The following PDZD2 variants were observed in gnomAD, a reference collection of about 807,000 sequenced individuals.
PDZD2 encodes the protein PDZ domain-containing protein 2.
Under a neutral mutation model 220.7 loss-of-function variants are expected in PDZD2, and 90 were observed. The ratio of observed to expected loss-of-function variants is 0.41; its 90% CI spans 0.34 to 0.49. The LOEUF is 0.49. Ranked by LOEUF, PDZD2 falls within the 20% of genes least tolerant of loss-of-function variation. The pLI, the probability that PDZD2 is intolerant of heterozygous loss-of-function variation, is 0.28. For missense variants in PDZD2, 3,174 were observed against 3,608.5 expected (o/e 0.88, Z 3.08); for synonymous variants, 1,375 against 1,450.5 (o/e 0.95, Z 1.18).
intron 1 of PDZD2, among the ~76,000 whole-genome samples, chr5:31,687,072 G>A (rs2150126034): frequency 6.8e-6 from 1 of 147,852 alleles, no homozygotes; most frequent in South Asian, 2.2e-4. Flanking sequence ...ATAAAAAGAG[G>A]CAAAATGATA....
Position 31,752,070 on chromosome 5 carries a change from TTTG to T in PDZD2, c.-360-46816_-360-46814del, listed in dbSNP as rs1751016369. Among the ~76,000 whole-genome samples the T allele has an allele frequency of 1.3e-4, 13 of 100,104 alleles. 1 individual carries two copies. The highest frequency in any genetic ancestry group is 3.8e-4 in the East Asian group (1 of 2,600). 65.7% of individuals were successfully genotyped at this position (100,104 alleles called of 152,430 possible). On this transcript the variant is annotated intron_variant, in intron 1 of 24. Transcript: ENST00000438447. ...TGTTTGTTTGTTTTATTGTTTTGGG[TTTG>T]TTTTTTTTTTTTTTTTTCTGAGACA...
intron 2 of PDZD2, among the ~76,000 whole-genome samples, chr5:31,821,435 C>G (rs11956512): frequency 0.58 from 87,777 of 151,068 alleles, 25,784 homozygotes; most frequent in Non-Finnish European, 0.61. Context: ...GGCTGAAGTG[C>G]AATGGCGCGA....
intron 6 of PDZD2, among the ~76,000 whole-genome samples, chr5:32,022,253 A>G (rs1754275315): frequency 7.0e-6 from 1 of 143,760 alleles, no homozygotes; most frequent in Non-Finnish European, 1.5e-5. Flanking sequence ...GCTGGAGTGC[A>G]GTGGCATGAT....
chr5:31,837,016 A>AAAAGAAAGAAAGAAAGAAAG (rs5867108), intron 2 of PDZD2, among the ~76,000 whole-genome samples: 46 of 146,680 alleles, frequency 3.1e-4, no homozygotes, highest in South Asian at 9.3e-4. Context: ...AGACTGTCTT[A>AAAAGAAAGAAAGAAAGAAAG]AAAGAAAGAA....
intron 21 of PDZD2, among the ~76,000 whole-genome samples, chr5:32,096,599 G>A (rs962055337): frequency 2.6e-5 from 4 of 152,182 alleles, no homozygotes; most frequent in Non-Finnish European, 5.9e-5. Context: ...GATTACAGGC[G>A]TGAGCCACTG....
chr5:31,958,078 C>T (rs1490758830), intron 2 of PDZD2, among the ~76,000 whole-genome samples: 2 of 152,070 alleles, frequency 1.3e-5, no homozygotes, highest in Non-Finnish European at 2.9e-5. Context: ...TTATTCATGT[C>T]ATAACACATA....
chr5:31,976,566 T>C (rs1320531408), intron 2 of PDZD2, among the ~76,000 whole-genome samples: 1 of 152,198 alleles, frequency 6.6e-6, no homozygotes, highest in Non-Finnish European at 1.5e-5. Context: ...GGACCTGACA[T>C]ACTCAGATGA....
chr5:32,028,666 TTTTTTTTTG>T lies in PDZD2; in HGVS notation c.1408-8547_1408-8539del, dbSNP rs1381412165. ...ATTTCTTATTTTGCTCCTTCTATTT[TTTTTTTTTG>T]TTTTTTTTGTTTTTTTTTTTTTTTG... On this transcript the variant is annotated intron_variant, in intron 6 of 24. Coordinates refer to ENST00000438447, the MANE Select transcript of PDZD2 (RefSeq NM_178140.4). Among the ~76,000 whole-genome samples, 156 of 126,424 alleles carry T rather than the reference TTTTTTTTTG, an allele frequency of 1.2e-3. 1 individual carries two copies. The highest frequency in any genetic ancestry group is 4.4e-3 in the African/African-American group (152 of 34,884). 82.9% of individuals were successfully genotyped at this position (126,424 alleles called of 152,430 possible).
At chr5:31,940,124 T>TG (rs1746089892) in intron 2 of PDZD2, among the ~76,000 whole-genome samples, 2 of 152,312 alleles carry the variant, frequency 1.3e-5, no homozygotes, top group South Asian at 4.1e-4. Context: ...ACGGTGGCAC[T>TG]GGGGGTGGAG....
intron 2 of PDZD2, among the ~76,000 whole-genome samples, chr5:31,975,049 CGT>C (rs937707719): frequency 2.6e-5 from 4 of 152,174 alleles, no homozygotes; most frequent in East Asian, 1.9e-4. Flanking sequence ...CTTCACTCAG[CGT>C]GTGTCTCCCA....
intron 1 of PDZD2, among the ~76,000 whole-genome samples, chr5:31,660,434 G>A (rs141275042): frequency 6.6e-6 from 1 of 152,178 alleles, no homozygotes; most frequent in African/African-American, 2.4e-5. Context: ...ATTTATAAAG[G>A]AAAGAGGTTT....
At chr5:31,973,771 C>T (rs1371943814) in intron 2 of PDZD2, among the ~76,000 whole-genome samples, 3 of 152,136 alleles carry the variant, frequency 2.0e-5, no homozygotes, top group South Asian at 4.1e-4. Context: ...CCTGTAATCC[C>T]AGAACTTTGG....
intron 1 of PDZD2, among the ~76,000 whole-genome samples, chr5:31,733,849 A>G (rs1749681535): frequency 6.6e-6 from 1 of 152,144 alleles, no homozygotes; most frequent in Admixed American, 6.5e-5. Flanking sequence ...AGATATGGGG[A>G]TTTCTTCATA....
At chr5:32,082,792 A>T (rs1340759455) in intron 19 of PDZD2, among the ~76,000 whole-genome samples, 1 of 152,188 alleles carries the variant, frequency 6.6e-6, no homozygotes, top group Non-Finnish European at 1.5e-5. Context: ...CACAGGAGCA[A>T]ATGGCCGACC....
chr5:31,645,413 T>C (rs1004009843), intron 1 of PDZD2, among the ~76,000 whole-genome samples: 4 of 150,254 alleles, frequency 2.7e-5, no homozygotes, highest in Non-Finnish European at 5.9e-5. Flanking sequence ...CTTGGCTCAC[T>C]GCAACCTCTG....
At chr5:32,097,072 C>G (rs1341486969) in intron 21 of PDZD2, among the ~76,000 whole-genome samples, 1 of 152,058 alleles carries the variant, frequency 6.6e-6, no homozygotes, top group Non-Finnish European at 1.5e-5. Context: ...AGAGATCCGC[C>G]CCCTTGGCTT....
In PDZD2 at chr5:32,087,914, C is replaced by T; in HGVS notation, c.4466C>T (p.Ala1489Val). The part of the protein sequence containing the change: ...QTSSPRRAWA[A>V]GAPAYPQWAS... ...TCCTCCCCGAGGAGGGCCTGGGCTG[C>T]TGGTGCCCCCGCCTACCCACAATGG... The change falls in exon 20 of 25, where the codon GCT (alanine) becomes GTT (valine). Residue 1489 changes from alanine (A) to valine (V), a missense_variant. Physicochemically the swap from Ala to Val is moderately conservative, Grantham distance 64. This residue lies in a region of PDZD2 where 1,861 missense variants were observed against 2,001.0 expected (regional missense o/e 0.93). Coordinates refer to ENST00000438447, the MANE Select transcript of PDZD2 (RefSeq NM_178140.4). This position sits in a 1 kb window ranked among gnomAD's most constrained non-coding sequence, Gnocchi z 4.0. The T allele has an allele frequency of 6.2e-7, 1 of 1,613,696 alleles. No homozygotes were observed. The highest frequency in any genetic ancestry group is 8.5e-7 in the Non-Finnish European group (1 of 1,179,874).
chr5:31,796,139 G>T (rs949630280), intron 1 of PDZD2, among the ~76,000 whole-genome samples: 1 of 152,138 alleles, frequency 6.6e-6, no homozygotes, highest in Non-Finnish European at 1.5e-5. Context: ...TTAACAACTC[G>T]AGTTGCAAAG....
At chr5:32,081,831 C>T (rs1457735816) in intron 19 of PDZD2, among the ~76,000 whole-genome samples, 1 of 152,002 alleles carries the variant, frequency 6.6e-6, no homozygotes, top group Non-Finnish European at 1.5e-5. Flanking sequence ...ATGCCATTCT[C>T]CTGCCTCAGC....
Sources: gnomAD v4.1 joint callset for allele counts (sites outside exome capture counted in the v4.1 genomes callset) on GRCh38, gnomAD v4.1.1 for gene constraint, gnomAD v4.1.1 regional missense constraint, Gnocchi (gnomAD v3.1) non-coding constraint, MANE v1.5 for transcripts, NCBI Gene and HGNC (gene_info 2026-07-23, HGNC 2026-07-21) for gene names.